COL24A1: variants seen among roughly 807,000 people sequenced by gnomAD.
COL24A1 encodes the protein collagen alpha-1(XXIV) chain.
In COL24A1, 224 loss-of-function variants were observed where a neutral mutation model predicts 253.9. The ratio of observed to expected loss-of-function variants is 0.88; its 90% CI spans 0.79 to 0.99. COL24A1 has a LOEUF of 0.99. COL24A1 is among the 50% of genes least tolerant of loss of function. The pLI, the probability that COL24A1 is intolerant of heterozygous loss-of-function variation, is 0.00. For missense variants in COL24A1, 2,131 were observed against 2,068.5 expected (o/e 1.03, Z -0.59); for synonymous variants, 685 against 673.7 (o/e 1.02, Z -0.26).
At chr1:86,058,041 A>AGTGCCTCTTTTGATTCAGAAATTC in intron 9 of COL24A1, 66 bp from the exon 10 acceptor site, 1 of 1,310,418 alleles carries the variant, frequency 7.6e-7, no homozygotes, top group Non-Finnish European at 1.1e-6. Flanking sequence ...AAATAGATTA[A>AGTGCCTCTTTTGATTCAGAAATTC]TAAAAAGGCC....
rs182788492 is a variant in COL24A1 at position 85,910,253 on chromosome 1, T to C, written c.2617-250A>G. 2.9e-3 allele frequency among the ~76,000 whole-genome samples: 439 copies of C among 151,974 alleles called. 4 individuals carry two copies. The highest frequency in any genetic ancestry group is 0.01 in the African/African-American group (416 of 41,542). On this transcript the variant is annotated intron_variant, in intron 25 of 59. Transcript: ENST00000370571. Reference sequence around the variant, plus strand: ...AAAGTCCTTATTAAAATGAAGAAAATAGAAATTATGGATAAACAAGACTTA... The same window carrying C: ...AAAGTCCTTATTAAAATGAAGAAAACAGAAATTATGGATAAACAAGACTTA...
chr1:85,784,687 T>C (rs1480686560), intron 48 of COL24A1, among the ~76,000 whole-genome samples: 1 of 151,960 alleles, frequency 6.6e-6, no homozygotes, highest in African/African-American at 2.4e-5. Flanking sequence ...GTGGTATGTG[T>C]GGGTGTGTTT....
chr1:85,831,128 A>G (rs1675225888), intron 43 of COL24A1, among the ~76,000 whole-genome samples: 1 of 152,078 alleles, frequency 6.6e-6, no homozygotes, highest in South Asian at 2.1e-4. Context: ...TGACCACACT[A>G]ACGGAAAAAC....
intron 39 of COL24A1, among the ~76,000 whole-genome samples, chr1:85,847,125 A>G (rs146111140): frequency 2.6e-5 from 4 of 152,320 alleles, no homozygotes; most frequent in African/African-American, 9.6e-5. Context: ...TTTTCCTAAT[A>G]TAAGAGTTCA....
At chr1:85,790,365 G>A (rs932782902) in intron 47 of COL24A1, among the ~76,000 whole-genome samples, 5 of 151,962 alleles carry the variant, frequency 3.3e-5, no homozygotes, top group South Asian at 4.2e-4. Flanking sequence ...ATTCTCTGAT[G>A]GTTGTTTGTA....
chr1:85,898,070 T>C (rs889081782), intron 28 of COL24A1, among the ~76,000 whole-genome samples: 2 of 152,196 alleles, frequency 1.3e-5, no homozygotes, highest in African/African-American at 2.4e-5. Context: ...GGTTAGGCTA[T>C]TGATTACATG....
intron 21 of COL24A1, 151 bp from the exon 22 acceptor site, chr1:85,970,422 T>A (rs1692038761): frequency 1.3e-6 from 1 of 785,596 alleles, no homozygotes. Flanking sequence ...TTGAACTCCA[T>A]CACCCCACAA....
At chr1:86,077,229 C>A (rs1702313881) in intron 7 of COL24A1, among the ~76,000 whole-genome samples, 1 of 152,084 alleles carries the variant, frequency 6.6e-6, no homozygotes, top group East Asian at 1.9e-4. Flanking sequence ...GCAGCCAACA[C>A]ACATATGAAA....
intron 55 of COL24A1, among the ~76,000 whole-genome samples, chr1:85,758,391 A>G (rs555912984): frequency 2.6e-5 from 4 of 152,284 alleles, no homozygotes; most frequent in South Asian, 4.1e-4. Context: ...TGTTATTTCC[A>G]TCATATACAC....
intron 26 of COL24A1, among the ~76,000 whole-genome samples, chr1:85,909,348 T>C (rs915204548): frequency 6.6e-6 from 1 of 151,882 alleles, no homozygotes; most frequent in African/African-American, 2.4e-5. Flanking sequence ...AGGCATTTTC[T>C]GTATGGAATA....
chr1:86,048,459 T>G (rs557157615), intron 11 of COL24A1, among the ~76,000 whole-genome samples: 198 of 152,168 alleles, frequency 1.3e-3, no homozygotes, highest in Non-Finnish European at 2.4e-3. Context: ...TATCACAAAC[T>G]GATCTTGTGT....
At chr1:85,999,396 G>GGGCAGATA (rs1695174841) in intron 19 of COL24A1, among the ~76,000 whole-genome samples, 1 of 152,032 alleles carries the variant, frequency 6.6e-6, no homozygotes, top group East Asian at 1.9e-4. Flanking sequence ...AGGCTGAGGT[G>GGGCAGATA]GGCAGATAGG....
At chr1:85,983,326 CTG>C (rs572807990) in intron 20 of COL24A1, among the ~76,000 whole-genome samples, 1 of 151,940 alleles carries the variant, frequency 6.6e-6, no homozygotes, top group Non-Finnish European at 1.5e-5. Context: ...GATTCCCAAA[CTG>C]TGTAGTTCTC....
At chr1:85,845,368 C>T (rs1677053986) in intron 39 of COL24A1, among the ~76,000 whole-genome samples, 1 of 151,794 alleles carries the variant, frequency 6.6e-6, no homozygotes, top group African/African-American at 2.4e-5. Context: ...TAAAATTCAA[C>T]ATCTACTCTT....
At chr1:85,954,123 T>C (rs565448516) in intron 24 of COL24A1, among the ~76,000 whole-genome samples, 1 of 152,324 alleles carries the variant, frequency 6.6e-6, no homozygotes, top group South Asian at 2.1e-4. Flanking sequence ...AAGGGTACTC[T>C]CTTGTTTATT....
intron 37 of COL24A1, among the ~76,000 whole-genome samples, chr1:85,858,621 CTCCTTCCTTCCT>C (rs1192322864): frequency 0.024 from 2,684 of 113,328 alleles, 89 homozygotes; most frequent in African/African-American, 0.069. Context: ...TATTTTCTCC[CTCCTTCCTTCCT>C]TCCTTCCTTC....
At chr1:85,919,661 A>T (rs1178262522) in intron 24 of COL24A1, among the ~76,000 whole-genome samples, 1 of 152,214 alleles carries the variant, frequency 6.6e-6, no homozygotes, top group East Asian at 1.9e-4. Context: ...AGTCTGGGTG[A>T]CACAGTGAGA....
intron 7 of COL24A1, among the ~76,000 whole-genome samples, chr1:86,086,284 C>T (rs1033474109): frequency 1.3e-5 from 2 of 152,230 alleles, no homozygotes; most frequent in African/African-American, 2.4e-5. Flanking sequence ...ATCGAATTAA[C>T]GTGCTTCTGG....
chr1:85,922,753 C>T (rs12129483), intron 24 of COL24A1, among the ~76,000 whole-genome samples: 39 of 152,180 alleles, frequency 2.6e-4, no homozygotes, highest in Non-Finnish European at 5.4e-4. Flanking sequence ...GAAGAAACTG[C>T]ATCAACTAAC....
Sources: allele counts gnomAD v4.1 joint callset (sites outside exome capture counted in the v4.1 genomes callset), GRCh38; gene constraint gnomAD v4.1.1; transcripts MANE v1.5; gene names NCBI Gene and HGNC (gene_info 2026-07-23, HGNC 2026-07-21).